ZNF676: variants seen among roughly 807,000 people sequenced by gnomAD.
The protein encoded by ZNF676 is zinc finger protein 676.
ZNF676 carries 4 observed loss-of-function variants against 6.0 expected under a neutral mutation model. The ratio of observed to expected loss-of-function variants is 0.67; its 90% CI spans 0.33 to 1.53. The LOEUF is 1.53. Among genes scored for constraint, ZNF676 ranks in the 40% most tolerant of loss-of-function variants. The pLI is 0.06. For synonymous variants in ZNF676, 198 were observed against 223.1 expected, an observed-to-expected ratio of 0.89 and a Z score of 1.00; for missense variants, 644 against 679.7, an observed-to-expected ratio of 0.95 and a Z score of 0.58.
Position 22,192,998 on chromosome 19 carries a change from G to A in ZNF676, c.130+18C>T, listed in dbSNP as rs746435072. 1.2e-6 allele frequency: 2 copies of A among 1,600,180 alleles called. No individual in the cohort carries two copies. Among genetic ancestry groups the A allele is most frequent in the Non-Finnish European group, 1.7e-6 (2 of 1,174,432 alleles). ...TTTGGACTTCTCATTCATGTTGTCT[G>A]TATTCACTCTCACCTACCTGGGGGT... is the stretch of plus-strand genomic sequence containing the variant. On this transcript the variant is annotated intron_variant, in intron 2 of 2. Transcript: ENST00000397121.
chr19:22,190,664 T>TAC (rs1555774118), intron 2 of ZNF676, among the ~76,000 whole-genome samples: 39 of 111,768 alleles, frequency 3.5e-4, no homozygotes, highest in African/African-American at 5.2e-4. Context: ...TATATATATA[T>TAC]ACATACACAC....
chr19:22,233,383 T>A, the ZNF676 span, among the ~76,000 whole-genome samples: 1 of 152,198 alleles, frequency 6.6e-6, no homozygotes, highest in Non-Finnish European at 1.5e-5. Flanking sequence ...TTGCCCTGTT[T>A]TGTATACATT....
the ZNF676 span, chr19:22,259,630 T>C: frequency 2.0e-5 from 3 of 152,262 alleles, no homozygotes; most frequent in East Asian, 1.9e-4. Context: ...TTCTCTCCTA[T>C]GGGCAAAGAG....
the ZNF676 span, among the ~76,000 whole-genome samples, chr19:22,256,464 T>G: frequency 6.6e-6 from 1 of 152,008 alleles, no homozygotes; most frequent in African/African-American, 2.4e-5. Flanking sequence ...AATGCTCCCT[T>G]TGGGCAAGGT....
At chr19:22,217,572 T>C (rs1469614853), upstream of ZNF676, among the ~76,000 whole-genome samples, 5 of 149,470 alleles carry the variant, frequency 3.3e-5, no homozygotes, top group South Asian at 4.3e-4. Flanking sequence ...AAATACAATA[T>C]TTGGGTTTGT....
At chr19:22,248,059 C>G in the ZNF676 span, among the ~76,000 whole-genome samples, 2 of 121,712 alleles carry the variant, frequency 1.6e-5, no homozygotes, top group Non-Finnish European at 3.4e-5. Context: ...ATCCATGTCC[C>G]TACAAAGGAA....
chr19:22,192,424 T>A (rs1212241594), intron 2 of ZNF676, among the ~76,000 whole-genome samples: 1 of 152,138 alleles, frequency 6.6e-6, no homozygotes, highest in African/African-American at 2.4e-5. Context: ...CCAGTGTTTT[T>A]CTTTCACAGT....
In ZNF676 at chr19:22,179,404, C is replaced by T. The variant is rs922088530; in HGVS notation, c.*546G>A. 1.5e-4 allele frequency: 47 copies of T among 316,602 alleles called. No homozygotes were observed. Among genetic ancestry groups the T allele is most frequent in the Non-Finnish European group, 2.4e-4 (38 of 161,064 alleles). The allele number at this position is 316,602 out of a possible 1,614,324, so 19.6% of individuals were successfully genotyped here. A position where few individuals can be genotyped will look rare whatever the true frequency, so the allele number is the denominator to read the frequency against. On this transcript the variant is annotated 3_prime_UTR_variant, in exon 3 of 3. Coordinates refer to ENST00000397121, the MANE Select transcript of ZNF676 (RefSeq NM_001001411.3). ...TATGAGTTGTCTTATATGTAGTAAGCCTTAAGGACTGGTTAAAGGCTTTGC... is the reference window on the plus strand; with the variant it reads ...TATGAGTTGTCTTATATGTAGTAAGTCTTAAGGACTGGTTAAAGGCTTTGC...
chr19:22,235,010 AAG>A, the ZNF676 span, among the ~76,000 whole-genome samples: 3 of 103,980 alleles, frequency 2.9e-5, no homozygotes, highest in African/African-American at 1.1e-4. Context: ...GAAAGAAAGA[AAG>A]AAAGAAAGAA....
chr19:22,253,399 A>ATAT, the ZNF676 span, among the ~76,000 whole-genome samples: 2 of 40,898 alleles, frequency 4.9e-5, no homozygotes, highest in Non-Finnish European at 1.1e-4. Flanking sequence ...TATATATGAT[A>ATAT]ATGTGTATAT....
upstream of ZNF676, among the ~76,000 whole-genome samples, chr19:22,199,697 T>C (rs1383759412): frequency 3.3e-5 from 5 of 152,168 alleles, no homozygotes; most frequent in Admixed American, 3.3e-4. Flanking sequence ...TTAATAAAAT[T>C]TAGATAAATT....
chr19:22,190,498 AAAT>A (rs934577258), intron 2 of ZNF676, among the ~76,000 whole-genome samples: 3 of 150,878 alleles, frequency 2.0e-5, no homozygotes, highest in East Asian at 1.9e-4. Flanking sequence ...AACAATCTTA[AAAT>A]AATAATAATA....
At chr19:22,214,191 T>C (rs565174241) in intron 1 of ZNF676, among the ~76,000 whole-genome samples, 17 of 152,300 alleles carry the variant, frequency 1.1e-4, no homozygotes, top group Admixed American at 5.2e-4. Flanking sequence ...GGGTGGCAGA[T>C]AGACTTGAGG....
At chr19:22,212,492 G>A (rs2024139531) in intron 1 of ZNF676, among the ~76,000 whole-genome samples, 2 of 151,600 alleles carry the variant, frequency 1.3e-5, no homozygotes, top group Admixed American at 1.3e-4. Context: ...CTTGAGGTCA[G>A]AATTTTGAGC....
At chr19:22,236,385 A>G in the ZNF676 span, among the ~76,000 whole-genome samples, 2 of 152,124 alleles carry the variant, frequency 1.3e-5, no homozygotes, top group African/African-American at 4.8e-5. Flanking sequence ...TGACCTCCAT[A>G]AGCCTCTACT....
upstream of ZNF676, among the ~76,000 whole-genome samples, chr19:22,218,199 G>A (rs541211239): frequency 2.6e-5 from 4 of 152,242 alleles, no homozygotes; most frequent in South Asian, 4.2e-4. Context: ...TCTTGGTCAT[G>A]CACTCTTTGC....
rs372676798 is a variant in ZNF676 at position 22,181,259 on chromosome 19, A to G, written c.458T>C (p.Leu153Pro). The G allele has an allele frequency of 6.2e-7, 1 of 1,613,678 alleles. No homozygotes were observed. Among genetic ancestry groups the G allele is most frequent in the African/African-American group, 1.3e-5 (1 of 74,924 alleles). Reference sequence around the variant, plus strand: ...TCTTTCATGTTGAGATAGGTGTGAAAGCATGCAAAATGATCTGACATATTC... The same window carrying G: ...TCTTTCATGTTGAGATAGGTGTGAAGGCATGCAAAATGATCTGACATATTC... The part of the protein sequence containing the change: ...CKEYVRSFCM[L>P]SHLSQHERIY... Residue 153 changes from leucine to proline, a missense_variant, in exon 3 of 3, where the codon CTT becomes CCT. Transcript: ENST00000397121.
the ZNF676 span, among the ~76,000 whole-genome samples, chr19:22,256,043 T>C: frequency 1.6e-3 from 249 of 152,242 alleles, 3 homozygotes; most frequent in African/African-American, 5.4e-3. Context: ...ATCTCATCTG[T>C]GTGCTGGGCT....
At chr19:22,249,161 G>C in the ZNF676 span, among the ~76,000 whole-genome samples, 3 of 152,158 alleles carry the variant, frequency 2.0e-5, no homozygotes, top group Non-Finnish European at 4.4e-5. Context: ...TAATCTTTGG[G>C]AACTAAAAGC....
Sources: gnomAD v4.1 joint callset for allele counts (sites outside exome capture counted in the v4.1 genomes callset) on GRCh38, gnomAD v4.1.1 for gene constraint, MANE v1.5 for transcripts, NCBI Gene and HGNC (gene_info 2026-07-23, HGNC 2026-07-21) for gene names.